SUMF1: variants seen among roughly 807,000 people sequenced by gnomAD.
SUMF1 encodes formylglycine-generating enzyme.
Under a neutral mutation model 47.6 loss-of-function variants are expected in SUMF1, and 48 were observed. The observed-to-expected ratio is 1.01, with a 90% CI of 0.80 to 1.28. The LOEUF (loss-of-function observed/expected upper bound fraction) is 1.28. Among genes scored for constraint, SUMF1 ranks in the 50% most tolerant of loss-of-function variants. The pLI is 0.00. For missense variants in SUMF1, 571 were observed against 485.4 expected, an observed-to-expected ratio of 1.18 and a Z score of -1.66; for synonymous variants, 230 against 192.1, an observed-to-expected ratio of 1.20 and a Z score of -1.63.
intron 8 of SUMF1, among the ~76,000 whole-genome samples, chr3:4,138,087 A>C (rs1273257068): frequency 1.3e-5 from 2 of 152,084 alleles, no homozygotes; most frequent in Non-Finnish European, 2.9e-5. Flanking sequence ...TAAAATACTT[A>C]GGAATAAATT....
In SUMF1 at chr3:4,378,964, CA is replaced by C. The variant is rs751844636; in HGVS notation, c.955-2576del. On this transcript the variant is annotated intron_variant, in intron 7 of 8. Transcript: ENST00000272902. ...CATCAACTTCAATGAACTAAGTCTG[CA>C]ATCAATAACTACGACACTTATCACA... Among the ~76,000 whole-genome samples the C allele has an allele frequency of 6.8e-4, 103 of 152,228 alleles. 2 individuals carry two copies. The highest frequency in any genetic ancestry group is 2.5e-4 in the Non-Finnish European group (17 of 68,038).
At chr3:4,346,972 A>G (rs13326957) in intron 8 of SUMF1, among the ~76,000 whole-genome samples, 30,986 of 152,014 alleles carry the variant, frequency 0.2, 3,472 homozygotes, top group African/African-American at 0.3. Flanking sequence ...ACCCAACCAA[A>G]ACTAAACCAG....
At chr3:4,038,195 G>T (rs1318732329) in intron 9 of SUMF1, among the ~76,000 whole-genome samples, 2 of 152,152 alleles carry the variant, frequency 1.3e-5, no homozygotes. Flanking sequence ...TGTGGCTGAT[G>T]GTCTTTCACT....
chr3:4,303,348 T>C lies in SUMF1; in HGVS notation c.1014+72982A>G, dbSNP rs28372893. 568 of 1,530,930 alleles carry C rather than the reference T, an allele frequency of 3.7e-4. 6 individuals carry two copies. The East Asian group carries it at 0.016, about 42-fold the overall frequency. The allele number at this position is 1,530,930 out of a possible 1,614,324, so 94.8% of individuals were successfully genotyped here. On this transcript the variant is annotated intron_variant and NMD_transcript_variant, in intron 8 of 12. Coordinates refer to the SUMF1 transcript ENST00000448413. ...GCGCGGCCCAGGACTGTCAGGGTAG[T>C]GGGCGTTGCGTGAGGCGGGTAAATG...
intron 8 of SUMF1, among the ~76,000 whole-genome samples, chr3:4,216,547 T>C (rs1695928996): frequency 6.6e-6 from 1 of 152,100 alleles, no homozygotes; most frequent in Admixed American, 6.5e-5. Context: ...AAATGGGATC[T>C]AACTAAATTA....
At chr3:4,052,240 T>C (rs942202469) in intron 9 of SUMF1, among the ~76,000 whole-genome samples, 3 of 152,162 alleles carry the variant, frequency 2.0e-5, no homozygotes, top group South Asian at 2.1e-4. Context: ...TGGTCTCTTT[T>C]ACAAGAGCAC....
At chr3:4,411,302 T>C (rs1303550280) in intron 6 of SUMF1, among the ~76,000 whole-genome samples, 1 of 152,158 alleles carries the variant, frequency 6.6e-6, no homozygotes, top group African/African-American at 2.4e-5. Flanking sequence ...AGAGGATAGA[T>C]GATACTTAGA....
At chr3:4,252,822 G>C (rs539307608) in intron 8 of SUMF1, among the ~76,000 whole-genome samples, 192 of 151,986 alleles carry the variant, frequency 1.3e-3, no homozygotes, top group African/African-American at 4.5e-3. Flanking sequence ...TGAATATTCA[G>C]GCAGTCAATA....
chr3:4,312,719 A>C (rs1575081803), intron 8 of SUMF1, among the ~76,000 whole-genome samples: 1 of 151,432 alleles, frequency 6.6e-6, no homozygotes, highest in Non-Finnish European at 1.5e-5. Flanking sequence ...AAAAAAAAAA[A>C]AACTTGTTTT....
chr3:4,388,663 G>C (rs1199026838), intron 7 of SUMF1, among the ~76,000 whole-genome samples: 1 of 151,166 alleles, frequency 6.6e-6, no homozygotes, highest in Non-Finnish European at 1.5e-5. Flanking sequence ...ACTTCCTGTG[G>C]GTTACCCAAA....
intron 3 of SUMF1, among the ~76,000 whole-genome samples, chr3:4,438,062 A>G (rs1702459132): frequency 6.6e-6 from 1 of 152,152 alleles, no homozygotes; most frequent in South Asian, 2.1e-4. Flanking sequence ...AATAGACTTT[A>G]AGATAAAAAT....
chr3:4,081,916 A>G (rs944315919), intron 8 of SUMF1, among the ~76,000 whole-genome samples: 1 of 152,124 alleles, frequency 6.6e-6, no homozygotes, highest in African/African-American at 2.4e-5. Context: ...AGTGTTAGTG[A>G]TATTTCCATT....
At chr3:4,049,910 G>T (rs146137606) in intron 9 of SUMF1, among the ~76,000 whole-genome samples, 15 of 152,082 alleles carry the variant, frequency 9.9e-5, no homozygotes, top group African/African-American at 3.6e-4. Flanking sequence ...GGAGCTGGAA[G>T]GGGGATGGAG....
At chr3:4,042,733 G>T (rs1437359146) in intron 9 of SUMF1, among the ~76,000 whole-genome samples, 1 of 152,008 alleles carries the variant, frequency 6.6e-6, no homozygotes, top group African/African-American at 2.4e-5. Context: ...CTTTTAGAAA[G>T]CCTCTCTCTG....
intron 8 of SUMF1, chr3:4,313,276 C>T (rs960535534): frequency 5.6e-6 from 9 of 1,613,798 alleles, no homozygotes; most frequent in Non-Finnish European, 7.6e-6. Context: ...CTCTGAAGTT[C>T]AGAGAAGAAT....
chr3:4,280,601 C>T (rs1172061043), intron 8 of SUMF1, among the ~76,000 whole-genome samples: 1 of 152,122 alleles, frequency 6.6e-6, no homozygotes, highest in African/African-American at 2.4e-5. Context: ...TTTCCTGGGG[C>T]TGTCCTAACA....
chr3:4,254,305 A>T (rs1696891598), intron 8 of SUMF1, among the ~76,000 whole-genome samples: 1 of 151,770 alleles, frequency 6.6e-6, no homozygotes, highest in Non-Finnish European at 1.5e-5. Flanking sequence ...TCAGACGATC[A>T]AATTACTCTG....
intron 8 of SUMF1, among the ~76,000 whole-genome samples, chr3:4,245,656 C>A (rs1268408157): frequency 6.6e-6 from 1 of 152,086 alleles, no homozygotes; most frequent in Non-Finnish European, 1.5e-5. Context: ...GTCTGTCAGC[C>A]CCTACTGGGA....
chr3:4,462,520 T>C (rs1466166585), intron 1 of SUMF1, among the ~76,000 whole-genome samples: 7 of 152,212 alleles, frequency 4.6e-5, no homozygotes, highest in Non-Finnish European at 1.0e-4. Context: ...TTCCAGTTTT[T>C]TCCTGCTTAA....
Sources: allele counts gnomAD v4.1 joint callset (sites outside exome capture counted in the v4.1 genomes callset), GRCh38; gene constraint gnomAD v4.1.1; transcripts MANE v1.5; gene names NCBI Gene and HGNC (gene_info 2026-07-23, HGNC 2026-07-21).